Variants in ALK observed in about 807,000 individuals in gnomAD.
The protein encoded by ALK is ALK tyrosine kinase receptor.
In ALK, 74 loss-of-function variants were observed where a neutral mutation model predicts 163.1. The ratio of observed to expected loss-of-function variants is 0.45; its 90% CI spans 0.38 to 0.55. The LOEUF (loss-of-function observed/expected upper bound fraction) is 0.55. Among genes scored for constraint, ALK ranks in the 20% least tolerant of loss-of-function variants. ALK has a pLI of 0.00. For missense variants in ALK, 2,063 were observed against 2,105.3 expected, an observed-to-expected ratio of 0.98 and a Z score of 0.39; for synonymous variants, 960 against 843.2, an observed-to-expected ratio of 1.14 and a Z score of -2.40.
intron 1 of ALK, among the ~76,000 whole-genome samples, chr2:29,852,688 A>G (rs1224580123): frequency 6.6e-6 from 1 of 152,008 alleles, no homozygotes; most frequent in African/African-American, 2.4e-5. Flanking sequence ...ATGTTTGTGT[A>G]CCCCCAAAAT....
intron 1 of ALK, among the ~76,000 whole-genome samples, chr2:29,894,443 G>A (rs1386831234): frequency 6.6e-6 from 1 of 151,976 alleles, no homozygotes; most frequent in Non-Finnish European, 1.5e-5. Context: ...TTGCTGGGAG[G>A]GCTACATGAG....
At chr2:29,808,480 G>A (rs115338029) in intron 1 of ALK, among the ~76,000 whole-genome samples, 169 of 152,248 alleles carry the variant, frequency 1.1e-3, no homozygotes, top group Non-Finnish European at 1.6e-3. Flanking sequence ...GCATCACATC[G>A]TAGTGACAGA....
At chr2:29,800,995 C>T (rs939250043) in intron 1 of ALK, among the ~76,000 whole-genome samples, 1 of 152,118 alleles carries the variant, frequency 6.6e-6, no homozygotes, top group African/African-American at 2.4e-5. Context: ...GTAGGTGGGT[C>T]CTACTCACTG....
chr2:29,603,770 G>A (rs972135387), intron 3 of ALK, among the ~76,000 whole-genome samples: 4 of 152,110 alleles, frequency 2.6e-5, no homozygotes, highest in African/African-American at 7.2e-5. Context: ...CAGTGATGAA[G>A]GATAGAAACC....
intron 1 of ALK, among the ~76,000 whole-genome samples, chr2:29,727,431 T>C (rs952839504): frequency 4.6e-5 from 7 of 152,194 alleles, no homozygotes; most frequent in African/African-American, 1.7e-4. Context: ...AGAGATAGGC[T>C]GATGTGCTAG....
chr2:29,200,624 G>C (rs1669133245), intron 26 of ALK, among the ~76,000 whole-genome samples: 1 of 147,758 alleles, frequency 6.8e-6, no homozygotes, highest in Non-Finnish European at 1.5e-5. Context: ...TATTTTGTAT[G>C]CCAGATGGTT....
chr2:29,819,189 C>G (rs904645152), intron 1 of ALK, among the ~76,000 whole-genome samples: 4 of 152,140 alleles, frequency 2.6e-5, no homozygotes, highest in African/African-American at 9.7e-5. Flanking sequence ...TAACAGGATC[C>G]CCCAGACTCC....
At chr2:29,260,144 T>G (rs532686832) in intron 11 of ALK, among the ~76,000 whole-genome samples, 2 of 152,364 alleles carry the variant, frequency 1.3e-5, no homozygotes, top group South Asian at 4.1e-4. Context: ...CTTCCCTTAA[T>G]AGATTAGCCT....
Position 29,825,822 on chromosome 2 carries a change from T to C in ALK, c.667+94171A>G, listed in dbSNP as rs1419798619. 4.6e-5 allele frequency among the ~76,000 whole-genome samples: 7 copies of C among 152,008 alleles called. No individual in the cohort carries two copies. The East Asian group carries it at 1.2e-3, about 25-fold the overall frequency. On this transcript the variant is annotated intron_variant, in intron 1 of 28. Transcript: ENST00000389048. The stretch of plus-strand genomic sequence containing the variant: ...GAGATGATCTGAACTTGGACTGGGA[T>C]TGAGATGAAGAAAGCATCAGATGAA...
intron 4 of ALK, among the ~76,000 whole-genome samples, chr2:29,505,361 G>A (rs1672291087): frequency 6.6e-6 from 1 of 152,202 alleles, no homozygotes; most frequent in Non-Finnish European, 1.5e-5. Context: ...ATCTCAAGAT[G>A]ATTGAACTAT....
intron 4 of ALK, among the ~76,000 whole-genome samples, chr2:29,487,062 G>A (rs1671792225): frequency 6.6e-6 from 1 of 152,140 alleles, no homozygotes. Flanking sequence ...AGTTAGAGGG[G>A]ATCATTTTCT....
At chr2:29,391,903 T>G (rs985310787) in intron 4 of ALK, among the ~76,000 whole-genome samples, 13 of 152,210 alleles carry the variant, frequency 8.5e-5, no homozygotes, top group Non-Finnish European at 1.5e-4. Flanking sequence ...AACCTCTCTG[T>G]GCCTGAATTT....
intron 26 of ALK, among the ~76,000 whole-genome samples, chr2:29,200,826 C>T (rs6733628): frequency 7.5e-5 from 7 of 93,870 alleles, no homozygotes; most frequent in African/African-American, 1.0e-4. Flanking sequence ...TACATATATA[C>T]GTATATATAT....
At chr2:29,514,083 T>C (rs1205365223) in intron 4 of ALK, among the ~76,000 whole-genome samples, 1 of 109,906 alleles carries the variant, frequency 9.1e-6, no homozygotes, top group Non-Finnish European at 1.9e-5. Flanking sequence ...ATTGTGGAAG[T>C]CAGTGTGGCG....
chr2:29,655,025 AAAAGCTG>A (rs112216448), intron 3 of ALK, among the ~76,000 whole-genome samples: 1,984 of 152,314 alleles, frequency 0.013, 43 homozygotes, highest in African/African-American at 0.045. Flanking sequence ...AGACATCTTC[AAAAGCTG>A]AAAGTATCTG....
intron 4 of ALK, among the ~76,000 whole-genome samples, chr2:29,459,361 C>A (rs770378237): frequency 5.3e-5 from 8 of 152,164 alleles, no homozygotes; most frequent in Non-Finnish European, 8.8e-5. Context: ...TAGGGACAGA[C>A]ATGGCGGACA....
intron 1 of ALK, among the ~76,000 whole-genome samples, chr2:29,874,139 A>G (rs1435639936): frequency 1.3e-5 from 2 of 152,312 alleles, no homozygotes; most frequent in Admixed American, 6.5e-5. Flanking sequence ...CCATTGCTCA[A>G]GGATTTATGC....
intron 1 of ALK, among the ~76,000 whole-genome samples, chr2:29,841,396 G>C (rs1413373807): frequency 6.6e-6 from 1 of 152,182 alleles, no homozygotes; most frequent in Non-Finnish European, 1.5e-5. Context: ...TCTAATCCAA[G>C]TTTCCTTAAT....
chr2:29,795,839 A>G (rs1664294526), intron 1 of ALK, among the ~76,000 whole-genome samples: 1 of 152,158 alleles, frequency 6.6e-6, no homozygotes, highest in South Asian at 2.1e-4. Context: ...TATTTGAAAA[A>G]TAATTACTAT....
Sources: allele counts gnomAD v4.1 joint callset (sites outside exome capture counted in the v4.1 genomes callset), GRCh38; gene constraint gnomAD v4.1.1; transcripts MANE v1.5; gene names NCBI Gene and HGNC (gene_info 2026-07-23, HGNC 2026-07-21).